The following ST3GAL6 variants were observed in gnomAD, a reference collection of about 807,000 sequenced individuals.
ST3GAL6 encodes the protein type 2 lactosamine alpha-2,3-sialyltransferase.
ST3GAL6 carries 31 observed loss-of-function variants against 40.5 expected under a neutral mutation model. The ratio of observed to expected loss-of-function variants is 0.77; its 90% confidence interval spans 0.58 to 1.03. The LOEUF (loss-of-function observed/expected upper bound fraction) is 1.03, where lower values mean the gene tolerates loss of function less well. ST3GAL6 is among the 50% of genes least tolerant of loss of function. The pLI is 0.00. For missense variants in ST3GAL6, 357 were observed against 393.2 expected (o/e 0.91, Z 0.78); for synonymous variants, 129 against 136.9 (o/e 0.94, Z 0.40).
At chr3:98,787,386 T>C (rs530817437) in intron 6 of ST3GAL6, among the ~76,000 whole-genome samples, 1 of 152,296 alleles carries the variant, frequency 6.6e-6, no homozygotes, top group Non-Finnish European at 1.5e-5. Flanking sequence ...AAACAAAGCA[T>C]TTCTTTTTTT....
At chr3:98,761,322 C>T (rs1327305423), upstream of ST3GAL6, among the ~76,000 whole-genome samples, 2 of 152,036 alleles carry the variant, frequency 1.3e-5, no homozygotes, top group Non-Finnish European at 2.9e-5. Context: ...AAAAATTACA[C>T]ACAGGCTGGG....
chr3:98,746,651 A>G (rs141561488), intron 1 of ST3GAL6, among the ~76,000 whole-genome samples: 1 of 152,274 alleles, frequency 6.6e-6, no homozygotes, highest in African/African-American at 2.4e-5. Flanking sequence ...AATTCCATAC[A>G]TGAGTCTTCA....
At chr3:98,757,449 G>C (rs1158115025) in intron 1 of ST3GAL6, among the ~76,000 whole-genome samples, 4 of 152,198 alleles carry the variant, frequency 2.6e-5, no homozygotes, top group Non-Finnish European at 4.4e-5. Context: ...ATCAAGGCTG[G>C]AGGTAGGGCT....
Position 98,770,920 on chromosome 3 carries a change from C to T in ST3GAL6, c.131C>T (p.Pro44Leu), listed in dbSNP as rs555849014. 1.4e-5 allele frequency: 22 copies of T among 1,614,080 alleles called. No homozygotes were observed. Among genetic ancestry groups the T allele is most frequent in the Admixed American group, 6.7e-5 (4 of 60,016 alleles). The stretch of plus-strand genomic sequence containing the variant: ...ATGAAACGGAGAAATAAGATCCAGC[C>T]TTGTTTATCAAAGCCAGCTTTTGCC... Reference protein sequence around the residue: ...VEMKRRNKIQPCLSKPAFASL... With the variant: ...VEMKRRNKIQLCLSKPAFASL... Residue 44 changes from proline (P) to leucine (L), a missense_variant, in exon 3 of 10, where the codon CCT (proline) becomes CTT (leucine). Coordinates refer to ENST00000483910, the MANE Select transcript of ST3GAL6 (RefSeq NM_001323368.2).
At chr3:98,788,976 C>T (rs1254577066) in intron 8 of ST3GAL6, among the ~76,000 whole-genome samples, 1 of 152,208 alleles carries the variant, frequency 6.6e-6, no homozygotes, top group Non-Finnish European at 1.5e-5. Flanking sequence ...ATTAAATTCT[C>T]AAGAAATGGT....
At chr3:98,779,658 T>C (rs1483067122) in intron 5 of ST3GAL6, among the ~76,000 whole-genome samples, 1 of 152,218 alleles carries the variant, frequency 6.6e-6, no homozygotes, top group Admixed American at 6.5e-5. Context: ...AACACAGCTT[T>C]CACCTGGGGG....
chr3:98,759,170 G>A (rs566861289), upstream of ST3GAL6, among the ~76,000 whole-genome samples: 15 of 152,326 alleles, frequency 9.8e-5, no homozygotes, highest in African/African-American at 2.9e-4. Flanking sequence ...CAAGTACAGC[G>A]TGTGGGCTGG....
chr3:98,770,068 G>A (rs1447508004), intron 2 of ST3GAL6, among the ~76,000 whole-genome samples: 2 of 152,184 alleles, frequency 1.3e-5, no homozygotes, highest in Admixed American at 1.3e-4. Flanking sequence ...ATGGAAAATT[G>A]TGTCTGTCCA....
intron 1 of ST3GAL6, chr3:98,732,890 G>C (rs1935151936): frequency 6.6e-7 from 1 of 1,509,914 alleles, no homozygotes; most frequent in Non-Finnish European, 8.8e-7. Flanking sequence ...GAGAGAGGCA[G>C]CAGCCGGCTG....
intron 1 of ST3GAL6, among the ~76,000 whole-genome samples, chr3:98,747,389 GC>G (rs1410998710): frequency 2.6e-5 from 4 of 152,134 alleles, no homozygotes; most frequent in Non-Finnish European, 5.9e-5. Context: ...GATGACTTGA[GC>G]TACCAAAGGT....
chr3:98,791,756 T>C (rs1941223292), intron 8 of ST3GAL6, 85 bp from the exon 9 acceptor site: 2 of 1,254,134 alleles, frequency 1.6e-6, no homozygotes, highest in Middle Eastern at 2.0e-4. Context: ...GAAATCCCTG[T>C]TTTATATGAT....
chr3:98,767,221 C>T (rs915838313), intron 1 of ST3GAL6, among the ~76,000 whole-genome samples: 5 of 152,196 alleles, frequency 3.3e-5, no homozygotes, highest in African/African-American at 1.2e-4. Context: ...TAGCCCCACA[C>T]ACCCATTAGC....
At chr3:98,790,602 G>A (rs1941114114) in intron 8 of ST3GAL6, among the ~76,000 whole-genome samples, 1 of 152,050 alleles carries the variant, frequency 6.6e-6, no homozygotes, top group South Asian at 2.1e-4. Flanking sequence ...TTGAGAGTTG[G>A]GTCATAAATT....
At chr3:98,752,904 T>C (rs1937131686) in intron 1 of ST3GAL6, among the ~76,000 whole-genome samples, 1 of 152,240 alleles carries the variant, frequency 6.6e-6, no homozygotes, top group South Asian at 2.1e-4. Context: ...TCCCTGTTTT[T>C]CTTCCTCCCC....
intron 2 of ST3GAL6, chr3:98,770,339 C>T (rs935446011): frequency 1.3e-5 from 2 of 153,412 alleles, no homozygotes; most frequent in African/African-American, 4.8e-5. Context: ...ACACAAGGGC[C>T]TAACTTATGC....
At chr3:98,755,003 T>C (rs1252345228) in intron 1 of ST3GAL6, among the ~76,000 whole-genome samples, 1 of 152,264 alleles carries the variant, frequency 6.6e-6, no homozygotes. Context: ...GGTGTGGAAC[T>C]GAACATGCAA....
rs573329282 is a variant in ST3GAL6, at chr3:98,781,410, C to T, written c.336-3535C>T. On this transcript the variant is annotated intron_variant, in intron 5 of 9. Transcript: ENST00000483910. ...TGTTGATGGGTGCAGCAAACCACCA[C>T]GGCACTTGTATACTTATGTAACAAA... is the stretch of plus-strand genomic sequence containing the variant. Among the ~76,000 whole-genome samples the T allele has an allele frequency of 3.3e-3, 496 of 151,416 alleles. 1 individual carries two copies. The highest frequency in any genetic ancestry group is 0.011 in the African/African-American group (460 of 41,156).
intron 2 of ST3GAL6, among the ~76,000 whole-genome samples, chr3:98,770,039 G>A (rs1938801271): frequency 6.6e-6 from 1 of 152,054 alleles, no homozygotes; most frequent in African/African-American, 2.4e-5. Flanking sequence ...CTAACTATGG[G>A]GATTTTGTAC....
At chr3:98,783,535 A>G (rs1015914417) in intron 5 of ST3GAL6, 1 of 978,980 alleles carries the variant, frequency 1.0e-6, no homozygotes, top group African/African-American at 1.8e-5. Context: ...TATGTCTGAC[A>G]TTGATTTCAT....
Sources: allele counts gnomAD v4.1 joint callset (sites outside exome capture counted in the v4.1 genomes callset), GRCh38; gene constraint gnomAD v4.1.1; transcripts MANE v1.5; gene names NCBI Gene and HGNC (gene_info 2026-07-23, HGNC 2026-07-21).